The following KCNQ5 variants were observed in gnomAD, a reference collection of about 807,000 sequenced individuals.
The protein encoded by KCNQ5 is potassium voltage-gated channel subfamily KQT member 5.
KCNQ5 carries 30 observed loss-of-function variants against 98.2 expected under a neutral mutation model. That is an observed-to-expected ratio of 0.31 (90% CI 0.23 to 0.41). The LOEUF (loss-of-function observed/expected upper bound fraction) is 0.41, where lower values mean the gene tolerates loss of function less well. Among genes scored for constraint, KCNQ5 ranks in the 10% least tolerant of loss-of-function variants. KCNQ5 has a pLI of 1.00. For missense variants in KCNQ5, 835 were observed against 1,182.5 expected, an observed-to-expected ratio of 0.71 and a Z score of 4.31; for synonymous variants, 458 against 449.4, an observed-to-expected ratio of 1.02 and a Z score of -0.24.
intron 1 of KCNQ5, among the ~76,000 whole-genome samples, chr6:72,751,593 T>C (rs1771688658): frequency 6.6e-6 from 1 of 152,116 alleles, no homozygotes; most frequent in African/African-American, 2.4e-5. Flanking sequence ...ATCATCACTT[T>C]AATATAGCTC....
intron 1 of KCNQ5, among the ~76,000 whole-genome samples, chr6:72,922,069 C>T (rs573090405): frequency 1.3e-5 from 2 of 152,296 alleles, no homozygotes; most frequent in East Asian, 1.9e-4. Flanking sequence ...GCAATTCACT[C>T]AAACGATATC....
At chr6:73,012,226 T>C (rs534330847) in intron 2 of KCNQ5, among the ~76,000 whole-genome samples, 1 of 152,188 alleles carries the variant, frequency 6.6e-6, no homozygotes, top group African/African-American at 2.4e-5. Flanking sequence ...AAGTGTATAC[T>C]GACAAGTGAA....
At chr6:72,741,554 C>T (rs1040599087) in intron 1 of KCNQ5, among the ~76,000 whole-genome samples, 1 of 152,132 alleles carries the variant, frequency 6.6e-6, no homozygotes, top group Non-Finnish European at 1.5e-5. Context: ...GAAAAATTTG[C>T]ATTTCAAACA....
chr6:72,963,509 T>C (rs1767470460), intron 1 of KCNQ5, among the ~76,000 whole-genome samples: 1 of 152,158 alleles, frequency 6.6e-6, no homozygotes, highest in African/African-American at 2.4e-5. Flanking sequence ...TTCTAATACA[T>C]GAAAATGCCT....
At chr6:72,744,538 C>T (rs144720418) in intron 1 of KCNQ5, among the ~76,000 whole-genome samples, 3,287 of 152,220 alleles carry the variant, frequency 0.022, 115 homozygotes, top group African/African-American at 0.07. Flanking sequence ...GGGCCAGGCA[C>T]GGTGGCTCAT....
intron 10 of KCNQ5, among the ~76,000 whole-genome samples, chr6:73,143,014 C>A (rs1776784130): frequency 6.6e-6 from 1 of 152,122 alleles, no homozygotes; most frequent in African/African-American, 2.4e-5. Flanking sequence ...CTTTCTTGTA[C>A]AATGTATGGC....
At chr6:73,071,768 C>T (rs1359045395) in intron 3 of KCNQ5, among the ~76,000 whole-genome samples, 1 of 152,162 alleles carries the variant, frequency 6.6e-6, no homozygotes, top group African/African-American at 2.4e-5. Flanking sequence ...AGCGATCCTC[C>T]CCCATGACCA....
intron 1 of KCNQ5, among the ~76,000 whole-genome samples, chr6:72,784,143 C>T (rs946776161): frequency 5.9e-5 from 9 of 152,174 alleles, no homozygotes; most frequent in African/African-American, 1.9e-4. Flanking sequence ...GTCGGGTACA[C>T]ATTCAGCCAA....
chr6:73,162,160 C>T (rs1017510923), intron 10 of KCNQ5, among the ~76,000 whole-genome samples: 4 of 151,528 alleles, frequency 2.6e-5, no homozygotes, highest in Admixed American at 2.6e-4. Flanking sequence ...CTCCTGATCT[C>T]AGGTGATCCA....
chr6:72,633,121 AT>A (rs2098921975), intron 1 of KCNQ5, among the ~76,000 whole-genome samples: 1 of 152,064 alleles, frequency 6.6e-6, no homozygotes, highest in Admixed American at 6.6e-5. Flanking sequence ...AATAATAATC[AT>A]TCTGATGGTA....
At chr6:72,636,636 G>T (rs2098924303) in intron 1 of KCNQ5, among the ~76,000 whole-genome samples, 1 of 152,064 alleles carries the variant, frequency 6.6e-6, no homozygotes, top group South Asian at 2.1e-4. Context: ...CAGCTTTCTG[G>T]TTTGTAAAAT....
At chr6:72,627,299 G>C (rs911435529) in intron 1 of KCNQ5, among the ~76,000 whole-genome samples, 2 of 152,136 alleles carry the variant, frequency 1.3e-5, no homozygotes, top group African/African-American at 4.8e-5. Flanking sequence ...GAGTGAGTGA[G>C]GGCATAGTGG....
intron 1 of KCNQ5, among the ~76,000 whole-genome samples, chr6:72,830,172 A>G (rs1776185812): frequency 6.6e-6 from 1 of 152,192 alleles, no homozygotes; most frequent in Non-Finnish European, 1.5e-5. Flanking sequence ...GGTAATTTAC[A>G]GATTCAATGC....
intron 1 of KCNQ5, among the ~76,000 whole-genome samples, chr6:72,934,257 A>T (rs138028497): frequency 7.2e-5 from 11 of 152,320 alleles, no homozygotes; most frequent in African/African-American, 2.6e-4. Context: ...GCCCTAAATT[A>T]ATTATGGCAA....
intron 1 of KCNQ5, among the ~76,000 whole-genome samples, chr6:72,962,182 A>AATATATAT (rs369197941): frequency 4.6e-5 from 6 of 129,284 alleles, no homozygotes; most frequent in Non-Finnish European, 6.5e-5. Flanking sequence ...TGTTTCTCTA[A>AATATATAT]ATATATATAT....
At chr6:72,761,419 CTT>C (rs774522954) in intron 1 of KCNQ5, among the ~76,000 whole-genome samples, 2 of 151,708 alleles carry the variant, frequency 1.3e-5, no homozygotes, top group Non-Finnish European at 2.9e-5. Flanking sequence ...ATTTTAAAAA[CTT>C]TGATTGCTTT....
chr6:72,821,251 A>G (rs986913563), intron 1 of KCNQ5, among the ~76,000 whole-genome samples: 3 of 152,142 alleles, frequency 2.0e-5, no homozygotes, highest in Admixed American at 2.0e-4. Flanking sequence ...CTCTCCACAA[A>G]AGAAGCTTTC....
intron 1 of KCNQ5, among the ~76,000 whole-genome samples, chr6:72,977,670 G>C (rs940852589): frequency 2.6e-4 from 39 of 152,078 alleles, no homozygotes; most frequent in African/African-American, 9.2e-4. Flanking sequence ...TTCAGTGAGA[G>C]AGACCTTCCC....
chr6:72,774,081 G>A (rs1030113788), intron 1 of KCNQ5, among the ~76,000 whole-genome samples: 25 of 152,148 alleles, frequency 1.6e-4, no homozygotes, highest in African/African-American at 5.5e-4. Flanking sequence ...AATGAATCTT[G>A]ACTCTTTCAT....
Sources: allele counts gnomAD v4.1 joint callset (sites outside exome capture counted in the v4.1 genomes callset), GRCh38; gene constraint gnomAD v4.1.1; transcripts MANE v1.5; gene names NCBI Gene and HGNC (gene_info 2026-07-23, HGNC 2026-07-21).